Variants in SND1 observed in about 807,000 individuals in gnomAD.
SND1 encodes the protein staphylococcal nuclease domain-containing protein 1.
A neutral mutation model predicts 121.7 loss-of-function variants in SND1; 38 were observed. That is an observed-to-expected ratio of 0.31 (90% confidence interval 0.24 to 0.41). The LOEUF (loss-of-function observed/expected upper bound fraction) is 0.41, where lower values mean the gene tolerates loss of function less well. SND1 is among the 10% of genes least tolerant of loss of function. The pLI, the probability that SND1 is intolerant of heterozygous loss-of-function variation, is 1.00. For synonymous variants in SND1, 401 were observed against 447.4 expected (o/e 0.90, Z 1.31); for missense variants, 868 against 1,184.6 (o/e 0.73, Z 3.92).
chr7:128,061,046 T>TG (rs537220463), intron 16 of SND1, among the ~76,000 whole-genome samples: 23 of 152,192 alleles, frequency 1.5e-4, no homozygotes, highest in African/African-American at 4.3e-4. Flanking sequence ...CTGGCCCCAC[T>TG]GGGGGGTCAC....
At chr7:127,812,139 A>G (rs1339269529) in intron 11 of SND1, among the ~76,000 whole-genome samples, 1 of 152,250 alleles carries the variant, frequency 6.6e-6, no homozygotes, top group Non-Finnish European at 1.5e-5. Context: ...ATGCTGAATT[A>G]AAGACTTTTA....
chr7:128,062,077 A>G (rs1464389058), intron 16 of SND1, among the ~76,000 whole-genome samples: 3 of 152,252 alleles, frequency 2.0e-5, no homozygotes, highest in Admixed American at 2.0e-4. Context: ...GCCTAAAGGC[A>G]GCTCCTTAGT....
chr7:128,067,122 T>TCC (rs1793330131), intron 16 of SND1, among the ~76,000 whole-genome samples: 3 of 152,198 alleles, frequency 2.0e-5, no homozygotes, highest in African/African-American at 7.2e-5. Context: ...GCTGCCCCCA[T>TCC]TCTCTGACCT....
intron 16 of SND1, among the ~76,000 whole-genome samples, chr7:128,036,263 C>G (rs984506681): frequency 1.3e-5 from 2 of 152,092 alleles, no homozygotes; most frequent in Non-Finnish European, 2.9e-5. Flanking sequence ...TCAGGGACAA[C>G]TAGCCATGAA....
chr7:127,726,591 A>C (rs1425032558), intron 10 of SND1, among the ~76,000 whole-genome samples: 2 of 152,156 alleles, frequency 1.3e-5, no homozygotes, highest in Non-Finnish European at 2.9e-5. Context: ...AGGACTTCCT[A>C]GAGAGTGCTT....
chr7:127,850,472 G>T (rs1051800756), intron 12 of SND1, among the ~76,000 whole-genome samples: 1 of 152,148 alleles, frequency 6.6e-6, no homozygotes, highest in Non-Finnish European at 1.5e-5. Context: ...GTTAATAATG[G>T]CAGTGGCTCT....
intron 10 of SND1, among the ~76,000 whole-genome samples, chr7:127,805,789 G>T (rs1040727574): frequency 6.6e-6 from 1 of 152,214 alleles, no homozygotes; most frequent in African/African-American, 2.4e-5. Context: ...GTTTTGTCAG[G>T]TGCATAATAG....
chr7:128,033,719 G>A (rs775607689), intron 16 of SND1, among the ~76,000 whole-genome samples: 7 of 152,162 alleles, frequency 4.6e-5, no homozygotes, highest in East Asian at 3.9e-4. Flanking sequence ...CCCTTACTCT[G>A]TATTCCACTG....
chr7:127,972,945 T>G (rs994521343), intron 15 of SND1, among the ~76,000 whole-genome samples: 6 of 152,232 alleles, frequency 3.9e-5, no homozygotes, highest in Non-Finnish European at 1.5e-5. Flanking sequence ...GTCATCTTTT[T>G]TCATTGCATT....
At chr7:128,090,240 G>A (rs532139905) in intron 22 of SND1, among the ~76,000 whole-genome samples, 2 of 152,322 alleles carry the variant, frequency 1.3e-5, no homozygotes, top group East Asian at 1.9e-4. Flanking sequence ...TATGAAGTGA[G>A]GGGAGGACTA....
chr7:127,840,988 G>A (rs1242999473), intron 11 of SND1, among the ~76,000 whole-genome samples: 1 of 152,082 alleles, frequency 6.6e-6, no homozygotes, highest in African/African-American at 2.4e-5. Flanking sequence ...AAATTTTTTT[G>A]TCTTCCCACT....
At position 128,089,584 on chromosome 7, in the gene SND1, C is replaced by G. The variant is rs1584783659; in HGVS notation, c.2514C>G (p.Pro838=). 2.5e-6 allele frequency: 4 copies of G among 1,614,226 alleles called. No individual in the cohort carries two copies. Among genetic ancestry groups the G allele is most frequent in the South Asian group, 2.2e-5 (2 of 91,080 alleles). ...TGGAACACCTGAGTGCCGGCTGCCCCCATGTCACCCTGCAGTTTGCAGATT... is the reference window on the plus strand; with the variant it reads ...TGGAACACCTGAGTGCCGGCTGCCCGCATGTCACCCTGCAGTTTGCAGATT... ...LNVEHLSAGC[P]HVTLQFADSK... Residue 838 remains proline (P), a synonymous_variant, in exon 22 of 24, where the codon CCC becomes CCG. Transcript: ENST00000354725.
chr7:127,964,431 A>G (rs1801809207), intron 15 of SND1, among the ~76,000 whole-genome samples: 3 of 148,412 alleles, frequency 2.0e-5, no homozygotes, highest in Non-Finnish European at 3.0e-5. Flanking sequence ...TGATTTTTGT[A>G]TAAGGTGTAA....
At chr7:127,873,138 C>T (rs1336599677) in intron 12 of SND1, among the ~76,000 whole-genome samples, 1 of 152,100 alleles carries the variant, frequency 6.6e-6, no homozygotes, top group Non-Finnish European at 1.5e-5. Context: ...TCCTTGAAGC[C>T]ACCTTCACTT....
chr7:127,894,594 A>G (rs576871782), intron 13 of SND1, among the ~76,000 whole-genome samples: 1 of 152,274 alleles, frequency 6.6e-6, no homozygotes, highest in Admixed American at 6.5e-5. Context: ...AAATGTTTTG[A>G]TAAGAAAATT....
chr7:127,701,351 G>T lies in SND1; in HGVS notation c.589+28G>T. On this transcript the variant is annotated intron_variant, in intron 5 of 23. Coordinates refer to ENST00000354725, the MANE Select transcript of SND1 (RefSeq NM_014390.4). ...GAGGCTGGTGGGAACAGACAGATAC[G>T]ACTCAGGGTGATTTCTTTCTGTTTG... 1.9e-6 allele frequency: 3 copies of T among 1,599,220 alleles called. No individual in the cohort carries two copies. The South Asian group carries it at 3.4e-5, about 18-fold the overall frequency.
intron 15 of SND1, among the ~76,000 whole-genome samples, chr7:127,948,436 A>G (rs1164516531): frequency 6.6e-6 from 1 of 152,216 alleles, no homozygotes; most frequent in Non-Finnish European, 1.5e-5. Context: ...AATTGAGTTG[A>G]TTAAATTTTT....
intron 16 of SND1, among the ~76,000 whole-genome samples, chr7:128,051,919 TA>T (rs942671054): frequency 6.6e-6 from 1 of 151,888 alleles, no homozygotes; most frequent in African/African-American, 2.4e-5. Context: ...CACTGGTAAA[TA>T]AAAAAAATGG....
chr7:127,684,228 A>G (rs1192382012), intron 1 of SND1, among the ~76,000 whole-genome samples: 2 of 152,202 alleles, frequency 1.3e-5, no homozygotes, highest in Non-Finnish European at 2.9e-5. Context: ...AGAGAGGATG[A>G]GTTTTCTTGT....
Sources: gnomAD v4.1 joint callset for allele counts (sites outside exome capture counted in the v4.1 genomes callset) on GRCh38, gnomAD v4.1.1 for gene constraint, MANE v1.5 for transcripts, NCBI Gene and HGNC (gene_info 2026-07-23, HGNC 2026-07-21) for gene names.